Variants in ERBB2 observed in about 807,000 individuals in gnomAD.
The protein encoded by ERBB2 is erb-b2 receptor tyrosine kinase 2, also known as receptor tyrosine-protein kinase erbB-2.
ERBB2 carries 61 observed loss-of-function variants against 149.0 expected under a neutral mutation model. The ratio of observed to expected loss-of-function variants is 0.41; its 90% confidence interval spans 0.33 to 0.51. The LOEUF (loss-of-function observed/expected upper bound fraction) is 0.51. ERBB2 is among the 20% of genes least tolerant of loss of function. The pLI, the probability that ERBB2 is intolerant of heterozygous loss-of-function variation, is 0.25. For missense variants in ERBB2, 1,205 were observed against 1,655.1 expected (o/e 0.73, Z 4.72); for synonymous variants, 633 against 678.8 (o/e 0.93, Z 1.05).
In ERBB2 at chr17:39,726,881, G is replaced by A. The variant is rs2143174564; in HGVS notation, c.3037G>A (p.Asp1013Asn). Residue 1013 changes from aspartate to asparagine, a missense_variant, in exon 25 of 27, where the codon GAC becomes AAC. This residue lies in a region of ERBB2 where 312 missense variants were observed against 343.8 expected (regional missense o/e 0.91). Transcript: ENST00000269571. This position sits in a 1 kb window ranked among gnomAD's most constrained non-coding sequence, Gnocchi z 5.1. ...CTACCGCTCACTGCTGGAGGACGAT[G>A]ACATGGGGGACCTGGTGGATGCTGA... is the stretch of plus-strand genomic sequence containing the variant. ...TFYRSLLEDD[D>N]MGDLVDAEEY... 2 of 1,614,046 alleles carry A rather than the reference G, an allele frequency of 1.2e-6. No individual in the cohort carries two copies. The highest frequency in any genetic ancestry group is 1.1e-5 in the South Asian group (1 of 91,076).
At chr17:39,691,556 A>ATATAT (rs1555611661), upstream of ERBB2, among the ~76,000 whole-genome samples, 7 of 84,180 alleles carry the variant, frequency 8.3e-5, no homozygotes, top group African/African-American at 3.5e-4. Context: ...TAAAAAAAAA[A>ATATAT]ATATATATAT....
upstream of ERBB2, among the ~76,000 whole-genome samples, chr17:39,694,215 A>T (rs2057780547): frequency 1.1e-4 from 6 of 52,488 alleles, no homozygotes; most frequent in African/African-American, 3.2e-4. Flanking sequence ...AAAAAAAAAA[A>T]AAAAAAAAAA....
At position 39,723,600 on chromosome 17, in the gene ERBB2, A is replaced by G. The variant is rs146883671; in HGVS notation, c.2148A>G (p.Lys716=). ...MPNQAQMRIL[K]ETELRKVKVL... ...ACCAGGCGCAGATGCGGATCCTGAA[A>G]GAGACGGAGCTGAGGAAGGTGAAGG... Residue 716 remains lysine, a synonymous_variant, in exon 18 of 27, where the codon AAA becomes AAG. Transcript: ENST00000269571. This position sits in a 1 kb window ranked among gnomAD's most constrained non-coding sequence, Gnocchi z 6.2. 1.9e-4 allele frequency: 310 copies of G among 1,608,436 alleles called. 1 individual carries two copies. The African/African-American group carries it at 3.5e-3, about 18-fold the overall frequency.
intron 16 of ERBB2, among the ~76,000 whole-genome samples, chr17:39,722,919 T>C (rs1009089787): frequency 2.0e-5 from 3 of 152,112 alleles, no homozygotes; most frequent in African/African-American, 4.8e-5. Flanking sequence ...AGACGGGGGT[T>C]TCACTATGTT....
At chr17:39,700,395 C>T (rs1250933556) in intron 1 of ERBB2, 84 bp downstream of exon 1, 10 of 1,115,702 alleles carry the variant, frequency 9.0e-6, no homozygotes, top group Non-Finnish European at 1.1e-5. Flanking sequence ...GCCGGCGGGG[C>T]CAGAGGGGCC....
chr17:39,721,904 TTTTATTTA>T (rs778586190), intron 16 of ERBB2, among the ~76,000 whole-genome samples: 3 of 152,076 alleles, frequency 2.0e-5, no homozygotes, highest in South Asian at 4.1e-4. Flanking sequence ...TCACTTTTAT[TTTTATTTA>T]TTTATTTATT....
chr17:39,693,892 A>G (rs933024598), upstream of ERBB2, among the ~76,000 whole-genome samples: 1 of 150,472 alleles, frequency 6.6e-6, no homozygotes, highest in Admixed American at 6.6e-5. Context: ...AGTCTCAATT[A>G]AAAAATAAAT....
At chr17:39,699,653 A>T (rs985813260), upstream of ERBB2, 9 of 1,032,402 alleles carry the variant, frequency 8.7e-6, no homozygotes, top group African/African-American at 1.4e-4. Flanking sequence ...GAAAACCATT[A>T]TTTGATATTA....
At chr17:39,693,476 T>C (rs2057756514), upstream of ERBB2, among the ~76,000 whole-genome samples, 1 of 152,182 alleles carries the variant, frequency 6.6e-6, no homozygotes, top group African/African-American at 2.4e-5. Context: ...TGGTAAACAG[T>C]AGACTATTAG....
At chr17:39,703,279 C>T (rs1481435839) in intron 1 of ERBB2, 1 of 152,234 alleles carries the variant, frequency 6.6e-6, no homozygotes, top group Non-Finnish European at 1.5e-5. Flanking sequence ...TGGGGTGGGG[C>T]CCAGGGTAGT....
At position 39,708,267 on chromosome 17, in the gene ERBB2, CCCTGG is replaced by C. The variant is rs1327908921; in HGVS notation, c.226-53_226-49del. 3.2e-5 allele frequency: 47 copies of C among 1,464,208 alleles called. No homozygotes were observed. In the Admixed American group the frequency reaches 6.5e-4, roughly 20 times the overall value. The allele number at this position is 1,464,208 out of a possible 1,614,324, so 90.7% of individuals were successfully genotyped here. ...CAAGTACTGGGGAACCCCAGGGAGG[CCCTGG>C]GGGGTGGCAGTGTTCCTATTTCAGC... On this transcript the variant is annotated intron_variant, in intron 2 of 26. Transcript: ENST00000269571.
At chr17:39,715,177 A>G (rs184086898) in intron 9 of ERBB2, 109 bp from the exon 10 acceptor site, 1 of 897,412 alleles carries the variant, frequency 1.1e-6, no homozygotes, top group East Asian at 2.6e-5. Flanking sequence ...TCGATGGGCA[A>G]AGGGTTTGAG....
upstream of ERBB2, among the ~76,000 whole-genome samples, chr17:39,699,162 G>T (rs1424294437): frequency 2.6e-5 from 4 of 152,054 alleles, no homozygotes; most frequent in Non-Finnish European, 5.9e-5. Flanking sequence ...GAAGAATTGA[G>T]ATAGAAGTCT....
intron 9 of ERBB2, 61 bp from the exon 10 acceptor site, chr17:39,715,225 G>A (rs2145626543): frequency 7.0e-7 from 1 of 1,429,450 alleles, no homozygotes; most frequent in Admixed American, 1.7e-5. Flanking sequence ...GGCATGGCCA[G>A]TGCTGGGAGT....
intron 16 of ERBB2, among the ~76,000 whole-genome samples, chr17:39,722,999 A>G (rs1024280727): frequency 6.6e-6 from 1 of 152,166 alleles, no homozygotes; most frequent in Non-Finnish European, 1.5e-5. Context: ...CTAGGATTCC[A>G]GGCATGAGCC....
At position 39,723,932 on chromosome 17, in the gene ERBB2, G is replaced by A. The variant is rs1314807183; in HGVS notation, c.2229G>A (p.Gly743=). Residue 743 remains glycine, a synonymous_variant, in exon 19 of 27, where the codon GGG becomes GGA. Coordinates refer to ENST00000269571, the MANE Select transcript of ERBB2 (RefSeq NM_004448.4). This position sits in a 1 kb window ranked among gnomAD's most constrained non-coding sequence, Gnocchi z 6.2. ...CCCAGGGCATCTGGATCCCTGATGGGGAGAATGTGAAAATTCCAGTGGCCA... is the reference window on the plus strand; with the variant it reads ...CCCAGGGCATCTGGATCCCTGATGGAGAGAATGTGAAAATTCCAGTGGCCA... ...TVYKGIWIPD[G]ENVKIPVAIK... is the part of the protein sequence containing the mutation. 3 of 1,613,982 alleles carry A rather than the reference G, an allele frequency of 1.9e-6. No individual in the cohort carries two copies. The African/African-American group carries it at 4.0e-5, about 22-fold the overall frequency.
intron 3 of ERBB2, 106 bp downstream of exon 3, chr17:39,708,640 G>A: frequency 1.2e-6 from 1 of 859,368 alleles, no homozygotes; most frequent in Non-Finnish European, 1.9e-6. Context: ...TGTCCCTTCT[G>A]GGCAGACGCA....
rs2143167192 is a variant in ERBB2, at chr17:39,726,813, A to G, written c.2971-2A>G. 6.2e-7 allele frequency: 1 copy of G among 1,610,478 alleles called. No homozygotes were observed. The highest frequency in any genetic ancestry group is 1.1e-5 in the South Asian group (1 of 90,860). ...ACCATCCTGCCTCTCCTTCCTCCAC[A>G]GAATGAGGACTTGGGCCCAGCCAGT... On this transcript the variant is annotated splice_acceptor_variant, in intron 24 of 26. Transcript: ENST00000269571. LOFTEE classifies it high-confidence loss of function. The surrounding 1 kb of genome is among the most constrained non-coding windows in gnomAD (Gnocchi z 5.1).
upstream of ERBB2, among the ~76,000 whole-genome samples, chr17:39,692,633 C>T (rs2057739734): frequency 6.6e-6 from 1 of 151,582 alleles, no homozygotes; most frequent in Non-Finnish European, 1.5e-5. Context: ...TTGAACTCCC[C>T]ACCTCAGGTG....
Sources: allele counts gnomAD v4.1 joint callset (sites outside exome capture counted in the v4.1 genomes callset), GRCh38; gene constraint gnomAD v4.1.1; regional missense constraint gnomAD v4.1.1; non-coding constraint Gnocchi (gnomAD v3.1); transcripts MANE v1.5; gene names NCBI Gene and HGNC (gene_info 2026-07-23, HGNC 2026-07-21).